Variants in KCNIP4 observed in about 807,000 individuals in gnomAD.
The protein encoded by KCNIP4 is potassium voltage-gated channel interacting protein 4.
KCNIP4 carries 12 observed loss-of-function variants against 34.0 expected under a neutral mutation model. The observed-to-expected ratio is 0.35, with a 90% CI of 0.23 to 0.57. The LOEUF is 0.57. Among genes scored for constraint, KCNIP4 ranks in the 20% least tolerant of loss-of-function variants. The pLI, the probability that KCNIP4 is intolerant of heterozygous loss-of-function variation, is 0.83. For synonymous variants in KCNIP4, 124 were observed against 102.2 expected (o/e 1.21, Z -1.29); for missense variants, 238 against 311.7 (o/e 0.76, Z 1.78).
At chr4:20,734,574 G>T in intron 6 of KCNIP4, 54 bp downstream of exon 6, 1 of 849,512 alleles carries the variant, frequency 1.2e-6, no homozygotes, top group Non-Finnish European at 1.8e-6. Context: ...ATATTTTAAA[G>T]TTAAGAAATG....
rs71191521 is a variant in KCNIP4, at chr4:21,569,234, T to TAAAAAAAAAAAAAA, written c.61+379323_61+379336dup. On this transcript the variant is annotated intron_variant, in intron 1 of 8. Coordinates refer to ENST00000382152, the MANE Select transcript of KCNIP4 (RefSeq NM_025221.6). Reference sequence around the variant, plus strand: ...CCCATGCACTAGGACACTGATATTCTAAAAAAAAAAAAAAAAAAAAAAAAA... The same window carrying TAAAAAAAAAAAAAA: ...CCCATGCACTAGGACACTGATATTCTAAAAAAAAAAAAAAAAAAAAAAAAAAAAAAAAAAAAAAA... 3.5e-3 allele frequency among the ~76,000 whole-genome samples: 88 copies of TAAAAAAAAAAAAAA among 25,188 alleles called. 10 individuals carry two copies. Among genetic ancestry groups the TAAAAAAAAAAAAAA allele is most frequent in the African/African-American group, 5.0e-3 (35 of 7,038 alleles). The allele number at this position is 25,188 out of a possible 152,430, so 16.5% of individuals were successfully genotyped here.
At position 21,325,917 on chromosome 4, in the gene KCNIP4, CTT is replaced by C. The variant is rs199556021; in HGVS notation, c.62-443210_62-443209del. Among the ~76,000 whole-genome samples, 771 of 151,900 alleles carry C rather than the reference CTT, an allele frequency of 5.1e-3. 3 individuals are homozygous for C. The highest frequency in any genetic ancestry group is 0.018 in the African/African-American group (741 of 41,500). On this transcript the variant is annotated intron_variant, in intron 1 of 8. Transcript: ENST00000382152. Reference sequence around the variant, plus strand: ...TGTTTGTATAGTTTTCAAAATTCCTCTTGTTACTGATTTTTAGTTTTATTCTA... The same window carrying C: ...TGTTTGTATAGTTTTCAAAATTCCTCGTTACTGATTTTTAGTTTTATTCTA...
chr4:21,422,196 C>CT (rs35669431), intron 1 of KCNIP4, among the ~76,000 whole-genome samples: 3,751 of 141,934 alleles, frequency 0.026, 142 homozygotes, highest in East Asian at 0.16. Flanking sequence ...CTGCAGCCTA[C>CT]TTTTTTTTTT....
chr4:21,926,746 C>T (rs541066504), intron 1 of KCNIP4, among the ~76,000 whole-genome samples: 1 of 152,286 alleles, frequency 6.6e-6, no homozygotes, highest in East Asian at 1.9e-4. Flanking sequence ...CTCTAAGAAC[C>T]TATACTGAGA....
chr4:20,842,581 C>CAAAAAAAA (rs59134256), intron 3 of KCNIP4, among the ~76,000 whole-genome samples: 8 of 69,692 alleles, frequency 1.1e-4, no homozygotes, highest in African/African-American at 3.5e-4. Context: ...CTTCTAATGG[C>CAAAAAAAA]AAAAAAAAAA....
chr4:21,041,829 T>C lies in KCNIP4; in HGVS notation c.62-159120A>G, dbSNP rs117012894. Among the ~76,000 whole-genome samples the C allele has an allele frequency of 7.1e-3, 1,074 of 152,258 alleles. 41 individuals carry two copies. Among genetic ancestry groups the C allele is most frequent in the Admixed American group, 0.059 (900 of 15,294 alleles). On this transcript the variant is annotated intron_variant, in intron 1 of 8. Transcript: ENST00000382152. ...ATATTATTTATCTAAATGAAACACA[T>C]TGTGGGTTTGGCGGCCAACAGCTTC...
chr4:21,930,979 A>G (rs1364455845), intron 1 of KCNIP4, among the ~76,000 whole-genome samples: 1 of 152,162 alleles, frequency 6.6e-6, no homozygotes, highest in East Asian at 1.9e-4. Flanking sequence ...TATACTGAAC[A>G]AAACAGACAA....
intron 1 of KCNIP4, among the ~76,000 whole-genome samples, chr4:21,385,815 A>C (rs79947880): frequency 2.7e-4 from 41 of 152,290 alleles, no homozygotes; most frequent in African/African-American, 9.6e-4. Flanking sequence ...TTAACTGTGG[A>C]ATATCAGATA....
intron 1 of KCNIP4, among the ~76,000 whole-genome samples, chr4:21,863,152 A>C (rs113837127): frequency 6.6e-6 from 1 of 152,104 alleles, no homozygotes; most frequent in Admixed American, 6.5e-5. Flanking sequence ...TATTCTATGA[A>C]GTCGTTATTC....
intron 1 of KCNIP4, among the ~76,000 whole-genome samples, chr4:21,679,632 G>A (rs1030368248): frequency 2.6e-5 from 4 of 152,098 alleles, no homozygotes; most frequent in Non-Finnish European, 5.9e-5. Flanking sequence ...CTCTTGTGGT[G>A]CTTAATACAT....
chr4:21,661,077 A>G (rs1748412878), intron 1 of KCNIP4, among the ~76,000 whole-genome samples: 1 of 152,178 alleles, frequency 6.6e-6, no homozygotes, highest in South Asian at 2.1e-4. Flanking sequence ...AGAGAAGGAA[A>G]GAAGAGAGGA....
chr4:21,291,943 A>G (rs895726530), intron 1 of KCNIP4, among the ~76,000 whole-genome samples: 1 of 95,706 alleles, frequency 1.0e-5, no homozygotes, highest in Non-Finnish European at 1.9e-5. Context: ...AAGAAAAAAA[A>G]AGAAAAAAGT....
chr4:21,540,934 G>T (rs955651610), intron 1 of KCNIP4, among the ~76,000 whole-genome samples: 4 of 152,094 alleles, frequency 2.6e-5, no homozygotes, highest in African/African-American at 9.7e-5. Flanking sequence ...ACTTTGGGAG[G>T]CCGAGGTGGG....
rs566428436 is a variant in KCNIP4 at position 21,909,534 on chromosome 4, G to A, written c.61+39037C>T. Reference sequence around the variant, plus strand: ...TAGTCTTCTTTCTAGGCTTAGACATGTTTCTTAATTTGCTTTGGGTTTACT... The same window carrying A: ...TAGTCTTCTTTCTAGGCTTAGACATATTTCTTAATTTGCTTTGGGTTTACT... On this transcript the variant is annotated intron_variant, in intron 1 of 8. Transcript: ENST00000382152. Among the ~76,000 whole-genome samples the A allele has an allele frequency of 8.5e-5, 13 of 152,052 alleles. No individual in the cohort carries two copies. In the East Asian group the frequency reaches 2.1e-3, roughly 25 times the overall value.
intron 1 of KCNIP4, among the ~76,000 whole-genome samples, chr4:21,434,544 C>A (rs543013629): frequency 6.6e-6 from 1 of 152,066 alleles, no homozygotes; most frequent in Non-Finnish European, 1.5e-5. Context: ...AGGAACCGAG[C>A]AGCACAGCAG....
At chr4:21,222,446 C>T (rs1055150580) in intron 1 of KCNIP4, among the ~76,000 whole-genome samples, 3 of 152,004 alleles carry the variant, frequency 2.0e-5, no homozygotes, top group Non-Finnish European at 2.9e-5. Flanking sequence ...GCAGCACATA[C>T]CTCACCCTAT....
intron 1 of KCNIP4, among the ~76,000 whole-genome samples, chr4:21,243,858 T>G (rs888790883): frequency 1.3e-5 from 2 of 152,222 alleles, no homozygotes; most frequent in Non-Finnish European, 1.5e-5. Flanking sequence ...CCTCGGTGTT[T>G]GGAGAAAATT....
chr4:20,958,226 C>A (rs549034466), intron 1 of KCNIP4, among the ~76,000 whole-genome samples: 18 of 152,312 alleles, frequency 1.2e-4, no homozygotes, highest in Admixed American at 7.8e-4. Flanking sequence ...TCAGAGGATG[C>A]AGTAGGCAAA....
rs1577534077 is a variant in KCNIP4 at position 21,528,750 on chromosome 4, A to G, written c.61+419821T>C. 1.2e-3 allele frequency among the ~76,000 whole-genome samples: 9 copies of G among 7,528 alleles called. 2 individuals carry two copies. The South Asian group carries it at 0.026, about 22-fold the overall frequency. The allele number at this position is 7,528 out of a possible 152,430, so 4.9% of individuals were successfully genotyped here. ...AAGAAAGAAAGAAAGAAAGAAAGAA[A>G]GAAAGAAAGAAAGAAAGAAAGAAAG... On this transcript the variant is annotated intron_variant, in intron 1 of 8. Transcript: ENST00000382152.
Sources: allele counts gnomAD v4.1 joint callset (sites outside exome capture counted in the v4.1 genomes callset), GRCh38; gene constraint gnomAD v4.1.1; transcripts MANE v1.5; gene names NCBI Gene and HGNC (gene_info 2026-07-23, HGNC 2026-07-21).